Variants in MAP3K9 observed in about 807,000 individuals in gnomAD.
MAP3K9 encodes the protein mixed lineage kinase 1 (tyr and ser/thr specificity).
MAP3K9 carries 46 observed loss-of-function variants against 95.8 expected under a neutral mutation model. The ratio of observed to expected loss-of-function variants is 0.48; its 90% CI spans 0.38 to 0.61. The LOEUF (loss-of-function observed/expected upper bound fraction) is 0.61, where lower values mean the gene tolerates loss of function less well. MAP3K9 is among the 20% of genes least tolerant of loss of function. The pLI is 0.00. For missense variants in MAP3K9, 1,296 were observed against 1,474.3 expected (o/e 0.88, Z 1.98); for synonymous variants, 533 against 593.8 (o/e 0.90, Z 1.49).
At chr14:70,782,469 A>AC (rs917239831) in intron 2 of MAP3K9, among the ~76,000 whole-genome samples, 3 of 152,124 alleles carry the variant, frequency 2.0e-5, no homozygotes, top group Non-Finnish European at 4.4e-5. Flanking sequence ...CACCACAGAT[A>AC]CCACCTTCAT....
In MAP3K9 at chr14:70,759,630, A is replaced by G. The variant is rs558315879; in HGVS notation, c.1001+1372T>C. 8.5e-5 allele frequency among the ~76,000 whole-genome samples: 13 copies of G among 152,344 alleles called. No homozygotes were observed. The South Asian group carries it at 2.7e-3, about 32-fold the overall frequency. On this transcript the variant is annotated intron_variant, in intron 3 of 11. Coordinates refer to ENST00000554752, the MANE Select transcript of MAP3K9 (RefSeq NM_001284230.2). ...TTTCAGGCTTCTGGCCTCAGGAACT[A>G]TAAAAGCACGCACTTCTGTTGCTTT...
rs71105731 is a variant in MAP3K9, at chr14:70,764,192, CAA to C, written c.821-3012_821-3011del. The stretch of plus-strand genomic sequence containing the variant: ...TGGGCGACAGAGCGAGACTCCGTCT[CAA>C]AAAAAAAAAAAAAAAGTTAACTGTA... On this transcript the variant is annotated intron_variant, in intron 2 of 11. Transcript: ENST00000554752. Among the ~76,000 whole-genome samples the C allele has an allele frequency of 1.1e-3, 34 of 29,848 alleles. 1 individual carries two copies. Among genetic ancestry groups the C allele is most frequent in the African/African-American group, 3.8e-3 (31 of 8,070 alleles). 19.6% of individuals were successfully genotyped at this position (29,848 alleles called of 152,430 possible).
At position 70,733,003 on chromosome 14, in the gene MAP3K9, T is replaced by C; in HGVS notation, c.2366A>G (p.Glu789Gly). The change falls in exon 11 of 12, where the codon GAG (glutamate) becomes GGG (glycine). Residue 789 changes from glutamate to glycine, a missense_variant. Physicochemically the swap from Glu to Gly is moderately conservative, Grantham distance 98 (BLOSUM62 -2). Coordinates refer to ENST00000554752, the MANE Select transcript of MAP3K9 (RefSeq NM_001284230.2). ...AAGACCCTCCCGTCTTTTCTTCTCC[T>C]CCCGGGCTGGTGGCTCAGGCTCCTC... ...PLEEPEPPAREEKKRREGLFQ... is the reference protein window; with the variant it reads ...PLEEPEPPARGEKKRREGLFQ... The C allele has an allele frequency of 6.2e-7, 1 of 1,614,110 alleles. No homozygotes were observed. The highest frequency in any genetic ancestry group is 1.1e-5 in the South Asian group (1 of 91,080).
At chr14:70,739,893 C>T (rs748152198) in intron 7 of MAP3K9, 149 bp downstream of exon 7, 12 of 1,601,112 alleles carry the variant, frequency 7.5e-6, no homozygotes, top group African/African-American at 2.7e-5. Flanking sequence ...TAAGGGTTTG[C>T]GTACATATGT....
At position 70,740,084 on chromosome 14, in the gene MAP3K9, G is replaced by T. The variant is rs759137263; in HGVS notation, c.1648C>A (p.Pro550Thr). 6.2e-7 allele frequency: 1 copy of T among 1,614,182 alleles called. No individual in the cohort carries two copies. The highest frequency in any genetic ancestry group is 1.7e-5 in the Admixed American group (1 of 60,010). Residue 550 changes from proline (P) to threonine (T), a missense_variant, in exon 7 of 12, where the codon CCT becomes ACT. Pro to Thr is a conservative substitution (Grantham distance 38). This residue lies in a region of MAP3K9 where 377 missense variants were observed against 417.1 expected (regional missense o/e 0.90). Coordinates refer to ENST00000554752, the MANE Select transcript of MAP3K9 (RefSeq NM_001284230.2). ...CGAGGAATGATGGTGGGGCTTGCAG[G>T]AGGACTGGAGCGGCTGTTGATAAGA... is the stretch of plus-strand genomic sequence containing the variant. ...KSLINSRSSP[P>T]ASPTIIPRLR...
At chr14:70,738,637 T>G (rs2054019871) in intron 7 of MAP3K9, among the ~76,000 whole-genome samples, 1 of 152,158 alleles carries the variant, frequency 6.6e-6, no homozygotes, top group Admixed American at 6.5e-5. Context: ...ACAAATCCAA[T>G]GTAAAGCTAG....
Position 70,722,822 on chromosome 14 carries a change from ACACTGGAG to A in MAP3K9, c.*7550_*7557del, listed in dbSNP as rs1341305264. 1.3e-5 allele frequency: 2 copies of A among 152,240 alleles called. No individual in the cohort carries two copies. The highest frequency in any genetic ancestry group is 4.8e-5 in the African/African-American group (2 of 41,466). The allele number at this position is 152,240 out of a possible 1,614,324, so 9.4% of individuals were successfully genotyped here. A position where few individuals can be genotyped will look rare whatever the true frequency, so the allele number is the denominator to read the frequency against. On this transcript the variant is annotated 3_prime_UTR_variant, in exon 12 of 12. Transcript: ENST00000554752. ...CACGGGGTCAGGACACATGAACAAGACACTGGAGCAGAGAAGGTCTAGGGATAAAAACT... is the reference window on the plus strand; with the variant it reads ...CACGGGGTCAGGACACATGAACAAGACAGAGAAGGTCTAGGGATAAAAACT...
chr14:70,803,159 C>T (rs887289324), intron 1 of MAP3K9, among the ~76,000 whole-genome samples: 6 of 151,916 alleles, frequency 3.9e-5, no homozygotes, highest in Admixed American at 6.6e-5. Context: ...TAAAAGCTCC[C>T]TGAGGCCTCA....
intron 2 of MAP3K9, chr14:70,765,337 G>T: frequency 2.3e-6 from 1 of 431,164 alleles, no homozygotes; most frequent in Non-Finnish European, 4.1e-6. Context: ...CTAAAAAAAA[G>T]TTTTCTTTAT....
Position 70,723,322 on chromosome 14 carries a change from A to C in MAP3K9, c.*7058T>G, listed in dbSNP as rs1418658745. The C allele has an allele frequency of 1.3e-5, 2 of 152,374 alleles. No homozygotes were observed. The highest frequency in any genetic ancestry group is 6.5e-5 in the Admixed American group (1 of 15,300). 9.4% of individuals were successfully genotyped at this position (152,374 alleles called of 1,614,324 possible). A position where few individuals can be genotyped will look rare whatever the true frequency, so the allele number is the denominator to read the frequency against. On this transcript the variant is annotated 3_prime_UTR_variant, in exon 12 of 12. Transcript: ENST00000554752. ...TCACGGCCTTCAGTGGTATTGGGAG[A>C]AGAGCTACAGAATTGACATGTCCAG... is the stretch of plus-strand genomic sequence containing the variant.
intron 8 of MAP3K9, among the ~76,000 whole-genome samples, chr14:70,737,727 T>C (rs2054004529): frequency 6.6e-6 from 1 of 152,244 alleles, no homozygotes; most frequent in Admixed American, 6.5e-5. Flanking sequence ...CTGCTCTTTC[T>C]TCTCTTTCCT....
intron 2 of MAP3K9, among the ~76,000 whole-genome samples, chr14:70,784,288 C>CA (rs1010172392): frequency 3.6e-4 from 53 of 148,202 alleles, no homozygotes; most frequent in East Asian, 5.9e-4. Flanking sequence ...CGTCTCAAAA[C>CA]AAAAAAAAAT....
At chr14:70,749,737 G>A in intron 4 of MAP3K9, 196 bp downstream of exon 4, 1 of 585,470 alleles carries the variant, frequency 1.7e-6, no homozygotes, top group Non-Finnish European at 3.0e-6. Context: ...TACAGTCCCT[G>A]GAGATATGAC....
At chr14:70,767,045 G>C (rs1469265211) in intron 2 of MAP3K9, among the ~76,000 whole-genome samples, 4 of 152,052 alleles carry the variant, frequency 2.6e-5, no homozygotes, top group Non-Finnish European at 4.4e-5. Context: ...TGGAACCTAT[G>C]CCATGTCCCC....
chr14:70,798,591 G>C (rs1315997140), intron 2 of MAP3K9, among the ~76,000 whole-genome samples: 1 of 139,326 alleles, frequency 7.2e-6, no homozygotes, highest in East Asian at 2.1e-4. Flanking sequence ...CCATTCTCCT[G>C]CCTCAGCCTC....
At chr14:70,799,984 C>G (rs188515491) in intron 2 of MAP3K9, among the ~76,000 whole-genome samples, 1 of 151,944 alleles carries the variant, frequency 6.6e-6, no homozygotes, top group African/African-American at 2.4e-5. Context: ...AGGACTGGAG[C>G]TTCTACCAAC....
In MAP3K9 at chr14:70,809,085, G is replaced by A. The variant is rs2055035923; in HGVS notation, c.87C>T (p.Ala29=). Residue 29 remains alanine, a synonymous_variant, in exon 1 of 12, where the codon GCC becomes GCT. Coordinates refer to ENST00000554752, the MANE Select transcript of MAP3K9 (RefSeq NM_001284230.2). The part of the protein sequence containing the change: ...PPGEDGAGAG[A]EEEEEEEEEA... ...CCTCCTCCTCCTCCTCCTCCTCCTC[G>A]GCCCCGGCCCCTGCTCCATCCTCCC... 7.0e-7 allele frequency: 1 copy of A among 1,422,210 alleles called. No individual in the cohort carries two copies. The highest frequency in any genetic ancestry group is 9.1e-7 in the Non-Finnish European group (1 of 1,096,056). 88.1% of individuals were successfully genotyped at this position (1,422,210 alleles called of 1,614,324 possible).
chr14:70,779,727 T>C (rs1594800676), intron 2 of MAP3K9, among the ~76,000 whole-genome samples: 1 of 152,220 alleles, frequency 6.6e-6, no homozygotes, highest in Non-Finnish European at 1.5e-5. Context: ...AACTCACATA[T>C]TACTGACTGC....
Position 70,732,762 on chromosome 14 carries a change from G to A in MAP3K9, c.2607C>T (p.Ala869=), listed in dbSNP as rs1439168973. The A allele has an allele frequency of 6.2e-7, 1 of 1,612,602 alleles. No individual in the cohort carries two copies. Among genetic ancestry groups the A allele is most frequent in the East Asian group, 2.2e-5 (1 of 44,818 alleles). The change falls in exon 11 of 12, where the codon GCC becomes GCT. Residue 869 remains alanine (A), a synonymous_variant. Transcript: ENST00000554752. ...VYEMPVSPVE[A]PPLSPCTHNP... is the part of the protein sequence containing the mutation. ...TGTGGGTACATGGACTCAGGGGAGG[G>A]GCCTCGACTGGGCTGACTGGCATCT...
Sources: allele counts gnomAD v4.1 joint callset (sites outside exome capture counted in the v4.1 genomes callset), GRCh38; gene constraint gnomAD v4.1.1; regional missense constraint gnomAD v4.1.1; transcripts MANE v1.5; gene names NCBI Gene and HGNC (gene_info 2026-07-23, HGNC 2026-07-21).